FBLN2: variants seen among roughly 807,000 people sequenced by gnomAD.
The protein encoded by FBLN2 is fibulin 2.
Under a neutral mutation model 123.7 loss-of-function variants are expected in FBLN2, and 81 were observed. The ratio of observed to expected loss-of-function variants is 0.65; its 90% confidence interval spans 0.55 to 0.79. FBLN2 has a LOEUF of 0.79. Among genes scored for constraint, FBLN2 ranks in the 30% least tolerant of loss-of-function variants. The pLI is 0.00. For synonymous variants in FBLN2, 699 were observed against 701.4 expected, an observed-to-expected ratio of 1.00 and a Z score of 0.05; for missense variants, 1,603 against 1,681.3, an observed-to-expected ratio of 0.95 and a Z score of 0.81.
At chr3:13,618,520 G>A (rs1288754064) in intron 6 of FBLN2, among the ~76,000 whole-genome samples, 2 of 152,178 alleles carry the variant, frequency 1.3e-5, no homozygotes, top group Admixed American at 6.5e-5. Flanking sequence ...TCCCATATTC[G>A]AGCGCAGGGA....
chr3:13,561,178 T>A (rs778125972), intron 1 of FBLN2, among the ~76,000 whole-genome samples: 1 of 152,172 alleles, frequency 6.6e-6, no homozygotes, highest in African/African-American at 2.4e-5. Flanking sequence ...CCCTAAATGA[T>A]GTAGCTTAGA....
intron 2 of FBLN2, among the ~76,000 whole-genome samples, chr3:13,575,104 C>G (rs1704093643): frequency 1.3e-5 from 2 of 152,206 alleles, no homozygotes; most frequent in Non-Finnish European, 2.9e-5. Flanking sequence ...CGTCGCATTT[C>G]TAATTGCTCA....
intron 4 of FBLN2, among the ~76,000 whole-genome samples, chr3:13,611,365 C>T (rs1705386380): frequency 6.6e-6 from 1 of 152,186 alleles, no homozygotes. Context: ...CCGTCACCAC[C>T]AAGCACCCAA....
At chr3:13,552,949 G>C (rs1703364754) in intron 1 of FBLN2, among the ~76,000 whole-genome samples, 1 of 152,128 alleles carries the variant, frequency 6.6e-6, no homozygotes, top group Admixed American at 6.5e-5. Flanking sequence ...TGCATGGGTT[G>C]CTCTGAAATG....
chr3:13,593,712 T>TAAAA (rs1704749773), intron 2 of FBLN2, among the ~76,000 whole-genome samples: 2 of 59,568 alleles, frequency 3.4e-5, no homozygotes, highest in East Asian at 8.8e-4. Context: ...AGACTCTATC[T>TAAAA]CAAAAAAAAA....
chr3:13,579,640 A>T (rs891764131), intron 2 of FBLN2, among the ~76,000 whole-genome samples: 15 of 152,354 alleles, frequency 9.8e-5, no homozygotes, highest in African/African-American at 3.4e-4. Flanking sequence ...TCTGTGTTTG[A>T]TGGCCGTGGT....
chr3:13,577,385 C>T (rs1024241237), intron 2 of FBLN2, among the ~76,000 whole-genome samples: 1 of 152,056 alleles, frequency 6.6e-6, no homozygotes, highest in Non-Finnish European at 1.5e-5. Flanking sequence ...AGGAAGGTGC[C>T]TGGACAGGAG....
chr3:13,616,343 C>T (rs924071673), intron 5 of FBLN2, among the ~76,000 whole-genome samples: 2 of 152,186 alleles, frequency 1.3e-5, no homozygotes, highest in Non-Finnish European at 2.9e-5. Flanking sequence ...GAGCCAGGCA[C>T]GATCCTGGCC....
In FBLN2 at chr3:13,571,039, C is replaced by T; in HGVS notation, c.684C>T (p.Pro228=). 6.4e-7 allele frequency: 1 copy of T among 1,569,082 alleles called. No individual in the cohort carries two copies. Among genetic ancestry groups the T allele is most frequent in the Non-Finnish European group, 8.6e-7 (1 of 1,157,956 alleles). Residue 228 remains proline (P), a synonymous_variant, in exon 2 of 18, where the codon CCC becomes CCT. Transcript: ENST00000404922. Reference sequence around the variant, plus strand: ...CAGTCCAGGCAGGCGCAGGGGGCCCCCCAGCTGCTCTGGGAGGTGGGAGTC... The same window carrying T: ...CAGTCCAGGCAGGCGCAGGGGGCCCTCCAGCTGCTCTGGGAGGTGGGAGTC... ...AGAVQAGAGG[P]PAALGGGSQP...
intron 16 of FBLN2, among the ~76,000 whole-genome samples, chr3:13,632,980 G>T (rs1479583148): frequency 3.3e-5 from 5 of 152,212 alleles, no homozygotes; most frequent in Non-Finnish European, 7.3e-5. Context: ...CCTCCTGGTG[G>T]CAGAACACAA....
At chr3:13,619,603 C>T (rs1377518354) in intron 7 of FBLN2, 127 bp from the exon 8 acceptor site, 2 of 720,840 alleles carry the variant, frequency 2.8e-6, no homozygotes, top group Non-Finnish European at 4.6e-6. Flanking sequence ...TGTCTCCCAG[C>T]ATCCCTGCCT....
At chr3:13,551,619 G>A (rs960069471) in intron 1 of FBLN2, among the ~76,000 whole-genome samples, 3 of 152,168 alleles carry the variant, frequency 2.0e-5, no homozygotes, top group Non-Finnish European at 2.9e-5. Context: ...CTCCTTGGCC[G>A]TGGGGGGAGT....
Position 13,570,889 on chromosome 3 carries a change from C to A in FBLN2, c.534C>A (p.His178Gln), listed in dbSNP as rs374848366. ...ELICYQLPGC[H>Q]GNFSDAEEGD... The stretch of plus-strand genomic sequence containing the variant: ...TCTGCTACCAGCTCCCCGGTTGCCA[C>A]GGGAACTTCTCAGATGCCGAGGAGG... Residue 178 changes from histidine to glutamine, a missense_variant, in exon 2 of 18, where the codon CAC becomes CAA. Coordinates refer to ENST00000404922, the MANE Select transcript of FBLN2 (RefSeq NM_001004019.2). 1.2e-6 allele frequency: 2 copies of A among 1,612,306 alleles called. No individual in the cohort carries two copies. Among genetic ancestry groups the A allele is most frequent in the South Asian group, 1.1e-5 (1 of 90,794 alleles).
rs1439812320 is a variant in FBLN2, at chr3:13,614,144, C to T, written c.1709C>T (p.Pro570Leu). Residue 570 changes from proline to leucine, a missense_variant, in exon 5 of 18, where the codon CCC becomes CTC. Coordinates refer to ENST00000404922, the MANE Select transcript of FBLN2 (RefSeq NM_001004019.2). ...IVPEVRRPPEPAAAPRRVSEA... is the reference protein window; with the variant it reads ...IVPEVRRPPELAAAPRRVSEA... ...CCTGAGGTTCGCCGACCTCCAGAGC[C>T]CGCAGCTGCACCACGGAGAGGTGAG... 1 of 1,612,402 alleles carries T rather than the reference C, an allele frequency of 6.2e-7. No individual in the cohort carries two copies. Among genetic ancestry groups the T allele is most frequent in the East Asian group, 2.2e-5 (1 of 44,878 alleles).
intron 15 of FBLN2, among the ~76,000 whole-genome samples, 193 bp from the exon 16 acceptor site, chr3:13,631,136 C>T (rs1485257458): frequency 2.6e-5 from 4 of 152,334 alleles, no homozygotes; most frequent in African/African-American, 9.6e-5. Flanking sequence ...AGCCCTAGGG[C>T]ATAAGCACTG....
At chr3:13,614,437 C>T (rs775759739) in intron 5 of FBLN2, among the ~76,000 whole-genome samples, 3 of 152,162 alleles carry the variant, frequency 2.0e-5, no homozygotes, top group Non-Finnish European at 2.9e-5. Context: ...TTTGTCTATA[C>T]ATCTTCCTCC....
At chr3:13,627,795 G>GC (rs773162931) in intron 10 of FBLN2, 37 bp from the exon 11 acceptor site, 5 of 1,591,606 alleles carry the variant, frequency 3.1e-6, no homozygotes, top group African/African-American at 2.7e-5. Context: ...GGCAGGACCT[G>GC]CCCCCCAGCC....
chr3:13,599,823 T>G (rs896049814), intron 2 of FBLN2, among the ~76,000 whole-genome samples: 2 of 145,566 alleles, frequency 1.4e-5, no homozygotes, highest in African/African-American at 2.6e-5. Flanking sequence ...GCTGGGGAAG[T>G]GCCAGGGAGA....
At position 13,613,281 on chromosome 3, in the gene FBLN2, C is replaced by G. The variant is rs149227516; in HGVS notation, c.1549-703C>G. Among the ~76,000 whole-genome samples the G allele has an allele frequency of 3.2e-3, 487 of 152,346 alleles. 1 individual carries two copies. The highest frequency in any genetic ancestry group is 8.3e-3 in the South Asian group (40 of 4,828). ...AATACACACTTTCTCTTAATAGAAG[C>G]AGCTGCAATATCACATTGCAAAGAC... On this transcript the variant is annotated intron_variant, in intron 4 of 17. Coordinates refer to ENST00000404922, the MANE Select transcript of FBLN2 (RefSeq NM_001004019.2).
Sources: allele counts gnomAD v4.1 joint callset (sites outside exome capture counted in the v4.1 genomes callset), GRCh38; gene constraint gnomAD v4.1.1; transcripts MANE v1.5; gene names NCBI Gene and HGNC (gene_info 2026-07-23, HGNC 2026-07-21).